Variants in MASP1 observed in about 807,000 individuals in gnomAD.
MASP1 encodes the protein MBL associated serine protease 1, also known as mannan-binding lectin serine protease 1.
A neutral mutation model predicts 77.1 loss-of-function variants in MASP1; 59 were observed. The observed-to-expected ratio is 0.77, with a 90% CI of 0.62 to 0.95. The LOEUF is 0.95. MASP1 is among the 40% of genes least tolerant of loss of function. MASP1 has a pLI of 0.00. For synonymous variants in MASP1, 362 were observed against 354.5 expected, an observed-to-expected ratio of 1.02 and a Z score of -0.24; for missense variants, 885 against 912.9, an observed-to-expected ratio of 0.97 and a Z score of 0.39.
intron 2 of MASP1, among the ~76,000 whole-genome samples, chr3:187,277,868 A>T (rs1372662951): frequency 6.6e-6 from 1 of 152,242 alleles, no homozygotes. Context: ...CTGCTTTCGA[A>T]TAGTGCTTTG....
At position 187,235,255 on chromosome 3, in the gene MASP1, C is replaced by G. The variant is rs1713049907; in HGVS notation, c.*429G>C. The G allele has an allele frequency of 7.7e-7, 1 of 1,294,928 alleles. No individual in the cohort carries two copies. The highest frequency in any genetic ancestry group is 1.2e-5 in the South Asian group (1 of 81,016). 80.2% of individuals were successfully genotyped at this position (1,294,928 alleles called of 1,614,324 possible). A position where few individuals can be genotyped will look rare whatever the true frequency, so the allele number is the denominator to read the frequency against. Reference sequence around the variant, plus strand: ...CAGGAAAATATACAGATGCGGCATTCAGTTCAATGTTAGAAACCATTTTCT... The same window carrying G: ...CAGGAAAATATACAGATGCGGCATTGAGTTCAATGTTAGAAACCATTTTCT... On this transcript the variant is annotated 3_prime_UTR_variant, in exon 11 of 11. Coordinates refer to ENST00000296280, the MANE Select transcript of MASP1 (RefSeq NM_139125.4).
intron 10 of MASP1, among the ~76,000 whole-genome samples, chr3:187,239,637 T>C (rs191899430): frequency 1.5e-3 from 225 of 152,322 alleles, no homozygotes; most frequent in Non-Finnish European, 2.8e-3. Context: ...AGCCCCACCA[T>C]TCCTCTACAG....
At chr3:187,264,854 T>C (rs1715887404) in intron 2 of MASP1, among the ~76,000 whole-genome samples, 1 of 152,168 alleles carries the variant, frequency 6.6e-6, no homozygotes, top group Non-Finnish European at 1.5e-5. Context: ...GATTCTTCTG[T>C]GAGTAACTGC....
chr3:187,260,513 A>G (rs549552818), intron 4 of MASP1, among the ~76,000 whole-genome samples: 5 of 152,362 alleles, frequency 3.3e-5, no homozygotes, highest in African/African-American at 4.8e-5. Context: ...GCTGCCCCAG[A>G]AAGAAAGATG....
intron 2 of MASP1, among the ~76,000 whole-genome samples, chr3:187,271,579 G>A (rs867012785): frequency 3.3e-5 from 5 of 152,132 alleles, no homozygotes; most frequent in South Asian, 4.1e-4. Flanking sequence ...TTGAAAGTAC[G>A]CATTGAAAAT....
chr3:187,261,847 A>G (rs923605578), intron 3 of MASP1, among the ~76,000 whole-genome samples: 1 of 152,226 alleles, frequency 6.6e-6, no homozygotes, highest in African/African-American at 2.4e-5. Flanking sequence ...GAGAATGAGT[A>G]AACATACTTT....
At chr3:187,232,404 T>C (rs1579472150), downstream of MASP1, among the ~76,000 whole-genome samples, 1 of 152,192 alleles carries the variant, frequency 6.6e-6, no homozygotes, top group South Asian at 2.1e-4. Flanking sequence ...TGTCTTTAAA[T>C]CTGCCCTGTC....
intron 3 of MASP1, among the ~76,000 whole-genome samples, chr3:187,261,278 C>T (rs1715555244): frequency 6.6e-6 from 1 of 152,200 alleles, no homozygotes; most frequent in Admixed American, 6.5e-5. Flanking sequence ...AACTTAGAAT[C>T]ACACAGATAA....
chr3:187,225,673 C>T (rs531640487), intron 12 of MASP1, among the ~76,000 whole-genome samples: 1 of 152,326 alleles, frequency 6.6e-6, no homozygotes, highest in South Asian at 2.1e-4. Context: ...ATTGGTCATT[C>T]TCTACATAAT....
chr3:187,220,746 C>T (rs959625073), intron 15 of MASP1, among the ~76,000 whole-genome samples: 17 of 152,212 alleles, frequency 1.1e-4, no homozygotes, highest in Admixed American at 9.8e-4. Context: ...GATCCACCCG[C>T]CTCGGCCTCC....
rs1398730370 is a variant in MASP1, at chr3:187,235,312, A to G, written c.*372T>C. ...CAGGTCCAAGCTCAGTTATACCAAC[A>G]GTAGGACCGATGGGTTTGATAAGTG... On this transcript the variant is annotated 3_prime_UTR_variant, in exon 11 of 11. Transcript: ENST00000296280. The G allele has an allele frequency of 2.2e-6, 3 of 1,337,644 alleles. No individual in the cohort carries two copies. The highest frequency in any genetic ancestry group is 2.9e-5 in the African/African-American group (2 of 67,852). The allele number at this position is 1,337,644 out of a possible 1,614,324, so 82.9% of individuals were successfully genotyped here.
At chr3:187,228,087 C>A (rs1004253669) in intron 11 of MASP1, among the ~76,000 whole-genome samples, 3 of 152,054 alleles carry the variant, frequency 2.0e-5, no homozygotes, top group Non-Finnish European at 4.4e-5. Flanking sequence ...AAACATTTTT[C>A]AAACATAAGT....
Position 187,235,491 on chromosome 3 carries a change from G to T in MASP1, c.*193C>A, listed in dbSNP as rs757391158. ...AGACTTGGACAAGCTCAGGAACACAGGTCTCCTGCCTGGAGCCTTTTCCCT... is the reference window on the plus strand; with the variant it reads ...AGACTTGGACAAGCTCAGGAACACATGTCTCCTGCCTGGAGCCTTTTCCCT... On this transcript the variant is annotated 3_prime_UTR_variant, in exon 11 of 11. Coordinates refer to ENST00000296280, the MANE Select transcript of MASP1 (RefSeq NM_139125.4). 2.9e-5 allele frequency: 44 copies of T among 1,526,080 alleles called. No individual in the cohort carries two copies. Among genetic ancestry groups the T allele is most frequent in the Non-Finnish European group, 2.8e-5 (32 of 1,142,074 alleles). 94.5% of individuals were successfully genotyped at this position (1,526,080 alleles called of 1,614,324 possible).
In MASP1 at chr3:187,257,363, C is replaced by CTTATTTTATT. The variant is rs150478704; in HGVS notation, c.548-513_548-504dup. Reference sequence around the variant, plus strand: ...AATGTAGCCTTAAGCTTCCTTCTTACTTATTTTATTTTATTTTATTTTATT... The same window carrying CTTATTTTATT: ...AATGTAGCCTTAAGCTTCCTTCTTACTTATTTTATTTTATTTTATTTTATTTTATTTTATT... On this transcript the variant is annotated intron_variant, in intron 4 of 10. Coordinates refer to ENST00000296280, the MANE Select transcript of MASP1 (RefSeq NM_139125.4). Among the ~76,000 whole-genome samples the CTTATTTTATT allele has an allele frequency of 6.2e-3, 937 of 151,792 alleles. 11 individuals are homozygous for CTTATTTTATT. Among genetic ancestry groups the CTTATTTTATT allele is most frequent in the African/African-American group, 0.021 (871 of 41,314 alleles).
At chr3:187,286,122 A>T (rs1455902983) in intron 1 of MASP1, 66 bp from the exon 2 acceptor site, 1 of 1,283,418 alleles carries the variant, frequency 7.8e-7, no homozygotes, top group South Asian at 1.2e-5. Context: ...CATCTCAATC[A>T]CAGCCAGGAG....
intron 2 of MASP1, among the ~76,000 whole-genome samples, chr3:187,264,633 C>T (rs928346891): frequency 6.6e-6 from 1 of 152,092 alleles, no homozygotes; most frequent in Non-Finnish European, 1.5e-5. Context: ...TGTCGCTTGA[C>T]CTGGCGTTAA....
chr3:187,230,105 C>T (rs988863042), downstream of MASP1, among the ~76,000 whole-genome samples: 1 of 152,230 alleles, frequency 6.6e-6, no homozygotes, highest in African/African-American at 2.4e-5. Context: ...GTTGGATTGA[C>T]CTCACCTCTG....
At chr3:187,243,039 C>A in intron 9 of MASP1, 1 of 280,042 alleles carries the variant, frequency 3.6e-6, no homozygotes, top group Non-Finnish European at 6.9e-6. Flanking sequence ...TTGCCCTCAC[C>A]CAGAAGCCAA....
chr3:187,255,461 A>G (rs1014477534), intron 5 of MASP1, among the ~76,000 whole-genome samples: 1 of 152,220 alleles, frequency 6.6e-6, no homozygotes, highest in African/African-American at 2.4e-5. Flanking sequence ...TTTCAGTTTC[A>G]TGAGACCCTG....
Sources: allele counts gnomAD v4.1 joint callset (sites outside exome capture counted in the v4.1 genomes callset), GRCh38; gene constraint gnomAD v4.1.1; transcripts MANE v1.5; gene names NCBI Gene and HGNC (gene_info 2026-07-23, HGNC 2026-07-21).